ANKRD31: variants seen among roughly 807,000 people sequenced by gnomAD.
ANKRD31 encodes ankyrin repeat domain-containing protein 31.
Under a neutral mutation model 186.0 loss-of-function variants are expected in ANKRD31, and 147 were observed. That is an observed-to-expected ratio of 0.79 (90% CI 0.69 to 0.91). The LOEUF is 0.91. ANKRD31 is among the 40% of genes least tolerant of loss of function. The pLI is 0.00. For missense variants in ANKRD31, 1,986 were observed against 2,148.8 expected (o/e 0.92, Z 1.50); for synonymous variants, 673 against 736.4 (o/e 0.91, Z 1.39).
intron 19 of ANKRD31, among the ~76,000 whole-genome samples, chr5:75,114,463 A>G (rs1183677845): frequency 1.3e-5 from 2 of 152,206 alleles, no homozygotes; most frequent in Non-Finnish European, 2.9e-5. Flanking sequence ...TCACCATCTT[A>G]TCTTTTATAA....
chr5:75,222,823 T>A (rs1217707596), intron 2 of ANKRD31, among the ~76,000 whole-genome samples: 2 of 152,250 alleles, frequency 1.3e-5, no homozygotes, highest in African/African-American at 4.8e-5. Flanking sequence ...GGTGTATATG[T>A]ACCATACTTT....
intron 19 of ANKRD31, among the ~76,000 whole-genome samples, chr5:75,115,959 C>T (rs1042234345): frequency 1.2e-3 from 179 of 152,030 alleles, no homozygotes; most frequent in Non-Finnish European, 2.2e-3. Context: ...CACATGCACA[C>T]GTATGTTTGT....
At chr5:75,180,760 G>T (rs1021365794) in intron 10 of ANKRD31, among the ~76,000 whole-genome samples, 1 of 152,096 alleles carries the variant, frequency 6.6e-6, no homozygotes, top group African/African-American at 2.4e-5. Context: ...TTACATGTTA[G>T]ACCTAAAACC....
At chr5:75,228,236 C>T (rs1011607944) in intron 2 of ANKRD31, among the ~76,000 whole-genome samples, 5 of 152,180 alleles carry the variant, frequency 3.3e-5, no homozygotes, top group African/African-American at 9.7e-5. Context: ...TCAGCTCTTA[C>T]CTTTATAATT....
chr5:75,093,178 T>C (rs1934478205), intron 22 of ANKRD31, among the ~76,000 whole-genome samples: 2 of 152,214 alleles, frequency 1.3e-5, no homozygotes, highest in South Asian at 2.1e-4. Flanking sequence ...AAGAAATATA[T>C]GCCTAAAAAC....
At chr5:75,097,380 T>C (rs1185566769) in intron 22 of ANKRD31, among the ~76,000 whole-genome samples, 1 of 152,240 alleles carries the variant, frequency 6.6e-6, no homozygotes, top group Admixed American at 6.5e-5. Context: ...TATCTCATTG[T>C]AGTTTTGATT....
At chr5:75,183,898 T>C (rs1754504040) in intron 10 of ANKRD31, among the ~76,000 whole-genome samples, 1 of 151,710 alleles carries the variant, frequency 6.6e-6, no homozygotes, top group Admixed American at 6.6e-5. Context: ...ATCACAGGAA[T>C]AAAAAAAATC....
intron 6 of ANKRD31, among the ~76,000 whole-genome samples, chr5:75,197,946 C>T (rs1755576534): frequency 6.6e-6 from 1 of 152,158 alleles, no homozygotes; most frequent in Non-Finnish European, 1.5e-5. Context: ...ACAGCGAAAA[C>T]TGCAAGTCAT....
At chr5:75,209,323 G>A (rs961049419) in intron 4 of ANKRD31, among the ~76,000 whole-genome samples, 19 of 151,786 alleles carry the variant, frequency 1.3e-4, no homozygotes, top group Non-Finnish European at 2.4e-4. Flanking sequence ...AAAAAAAAAG[G>A]TGAAACCAGT....
At chr5:75,205,057 G>C (rs1376797776) in intron 5 of ANKRD31, among the ~76,000 whole-genome samples, 1 of 152,046 alleles carries the variant, frequency 6.6e-6, no homozygotes, top group Non-Finnish European at 1.5e-5. Flanking sequence ...TAGCGATGGG[G>C]GTCTTGCTGT....
rs190746947 is a variant in ANKRD31, at chr5:75,186,955, T to C, written c.1564+1538A>G. On this transcript the variant is annotated intron_variant, in intron 10 of 25. Transcript: ENST00000506364. Reference sequence around the variant, plus strand: ...TAGAAGGCATACTGTAAACGCTCACTACATTGAACTAACACGATAGAGGTC... The same window carrying C: ...TAGAAGGCATACTGTAAACGCTCACCACATTGAACTAACACGATAGAGGTC... Among the ~76,000 whole-genome samples, 452 of 152,124 alleles carry C rather than the reference T, an allele frequency of 3.0e-3. 3 individuals carry two copies. Among genetic ancestry groups the C allele is most frequent in the Middle Eastern group, 3.4e-3 (1 of 294 alleles).
chr5:75,217,838 T>C (rs1757052720), intron 3 of ANKRD31, among the ~76,000 whole-genome samples: 1 of 152,196 alleles, frequency 6.6e-6, no homozygotes, highest in Admixed American at 6.5e-5. Flanking sequence ...TTTGTGTGGT[T>C]GCTTTATACT....
intron 17 of ANKRD31, among the ~76,000 whole-genome samples, chr5:75,129,010 T>C (rs778595177): frequency 3.9e-5 from 6 of 152,236 alleles, no homozygotes; most frequent in African/African-American, 4.8e-5. Flanking sequence ...AAATCTCATG[T>C]TGAATTGTAA....
chr5:75,109,794 T>A (rs543967424), intron 20 of ANKRD31, among the ~76,000 whole-genome samples: 3 of 152,006 alleles, frequency 2.0e-5, no homozygotes, highest in East Asian at 3.9e-4. Context: ...AGGGCTTCCA[T>A]CTGAGAGTGA....
At chr5:75,126,947 C>T (rs1749303432) in intron 17 of ANKRD31, among the ~76,000 whole-genome samples, 1 of 152,090 alleles carries the variant, frequency 6.6e-6, no homozygotes, top group African/African-American at 2.4e-5. Flanking sequence ...AATTGGGAGG[C>T]TGAGGTGGGC....
Position 75,199,644 on chromosome 5 carries a change from G to A in ANKRD31, c.434C>T (p.Pro145Leu), listed in dbSNP as rs1297922744. The stretch of plus-strand genomic sequence containing the variant: ...ATACAGACCAACCTTTTCTATGTGT[G>A]GCAAAACTTCAGGACTTTCAGCCTC... Reference protein sequence around the residue: ...GPEAESPEVLPHIEKELSEGR... With the variant: ...GPEAESPEVLLHIEKELSEGR... Residue 145 changes from proline (P) to leucine (L), a missense_variant, in exon 6 of 26, where the codon CCA (proline) becomes CTA (leucine). By Grantham distance (98) the Pro-to-Leu change is moderately conservative (BLOSUM62 -3). Coordinates refer to ENST00000506364, the MANE Select transcript of ANKRD31 (RefSeq NM_001372053.1). The A allele has an allele frequency of 1.3e-6, 2 of 1,532,490 alleles. No individual in the cohort carries two copies. The highest frequency in any genetic ancestry group is 1.7e-6 in the Non-Finnish European group (2 of 1,144,234). The allele number at this position is 1,532,490 out of a possible 1,614,324, so 94.9% of individuals were successfully genotyped here.
chr5:75,069,926 G>A (rs1038655535), intron 25 of ANKRD31, among the ~76,000 whole-genome samples: 2 of 152,138 alleles, frequency 1.3e-5, no homozygotes, highest in Admixed American at 1.3e-4. Flanking sequence ...CTATTAGGAT[G>A]GCGCCAAAAT....
At chr5:75,119,271 A>G (rs1197596252) in intron 17 of ANKRD31, among the ~76,000 whole-genome samples, 2 of 152,120 alleles carry the variant, frequency 1.3e-5, no homozygotes, top group African/African-American at 4.8e-5. Context: ...CCTACCTCGT[A>G]GTCTCAGTAT....
intron 10 of ANKRD31, among the ~76,000 whole-genome samples, chr5:75,171,507 T>G (rs566535701): frequency 6.6e-6 from 1 of 151,970 alleles, no homozygotes; most frequent in East Asian, 1.9e-4. Context: ...ATGCTTATAT[T>G]AGGCAAAAAG....
Sources: gnomAD v4.1 joint callset for allele counts (sites outside exome capture counted in the v4.1 genomes callset) on GRCh38, gnomAD v4.1.1 for gene constraint, MANE v1.5 for transcripts, NCBI Gene and HGNC (gene_info 2026-07-23, HGNC 2026-07-21) for gene names.